The following KIF1B variants were observed in gnomAD, a reference collection of about 807,000 sequenced individuals.
KIF1B encodes the protein kinesin-like protein KIF1B.
A neutral mutation model predicts 241.9 loss-of-function variants in KIF1B; 76 were observed. The observed-to-expected ratio is 0.31, with a 90% CI of 0.26 to 0.38. The LOEUF (loss-of-function observed/expected upper bound fraction) is 0.38. KIF1B is among the 10% of genes least tolerant of loss of function. The pLI is 1.00. For missense variants in KIF1B, 1,622 were observed against 2,271.4 expected, an observed-to-expected ratio of 0.71 and a Z score of 5.81; for synonymous variants, 750 against 796.7, an observed-to-expected ratio of 0.94 and a Z score of 0.99.
At chr1:10,346,860 T>C (rs1030952298) in intron 35 of KIF1B, among the ~76,000 whole-genome samples, 16 of 152,232 alleles carry the variant, frequency 1.1e-4, no homozygotes, top group African/African-American at 2.7e-4. Flanking sequence ...TGAGGGGCTG[T>C]CCTGTGCATT....
intron 1 of KIF1B, among the ~76,000 whole-genome samples, chr1:10,220,204 CA>C (rs36083785): frequency 0.084 from 8,871 of 105,666 alleles, 262 homozygotes; most frequent in Middle Eastern, 0.15. Context: ...AACTCCGTCT[CA>C]AAAAAAAAAA....
intron 33 of KIF1B, 123 bp downstream of exon 33, chr1:10,342,291 G>C (rs1652426176): frequency 1.3e-6 from 1 of 750,384 alleles, no homozygotes; most frequent in African/African-American, 1.7e-5. Flanking sequence ...ATATTACCCT[G>C]TTTCCTCTTT....
chr1:10,345,747 T>G (rs1652564678), intron 34 of KIF1B, 98 bp from the exon 35 acceptor site: 2 of 865,666 alleles, frequency 2.3e-6, no homozygotes, highest in Non-Finnish European at 3.9e-6. Context: ...CTTGCTGCCT[T>G]TCCCAAGTAT....
intron 22 of KIF1B, among the ~76,000 whole-genome samples, chr1:10,311,714 CT>C (rs2102282593): frequency 6.6e-6 from 1 of 151,424 alleles, no homozygotes; most frequent in Non-Finnish European, 1.5e-5. Context: ...TCATGGGACA[CT>C]TTCTTCTCTT....
At chr1:10,245,688 G>A (rs1046583429) in intron 2 of KIF1B, among the ~76,000 whole-genome samples, 4 of 152,202 alleles carry the variant, frequency 2.6e-5, no homozygotes, top group African/African-American at 7.2e-5. Flanking sequence ...ATGGGATTTG[G>A]ATGGTAACCA....
At chr1:10,212,925 TATATATAC>T (rs1222931229) in intron 1 of KIF1B, among the ~76,000 whole-genome samples, 9,820 of 99,312 alleles carry the variant, frequency 0.099, 446 homozygotes, top group African/African-American at 0.18. Context: ...TATATATATA[TATATATAC>T]ACACACACAT....
At chr1:10,220,572 AG>A (rs1191200778) in intron 1 of KIF1B, among the ~76,000 whole-genome samples, 1 of 152,124 alleles carries the variant, frequency 6.6e-6, no homozygotes, top group Non-Finnish European at 1.5e-5. Flanking sequence ...CCTGAGGCTG[AG>A]GTACAGCCAA....
chr1:10,232,488 C>A, intron 2 of KIF1B, 54 bp downstream of exon 2: 2 of 1,298,816 alleles, frequency 1.5e-6, no homozygotes, highest in Non-Finnish European at 2.2e-6. Flanking sequence ...TTTCTTCTTT[C>A]CCTGTCGTCT....
chr1:10,370,838 G>A (rs1015230244), intron 44 of KIF1B, among the ~76,000 whole-genome samples: 2 of 151,842 alleles, frequency 1.3e-5, no homozygotes, highest in Admixed American at 1.3e-4. Context: ...GTACACGCTT[G>A]TAGTCCCAGG....
At chr1:10,338,421 G>C (rs780526316) in intron 31 of KIF1B, among the ~76,000 whole-genome samples, 1 of 152,212 alleles carries the variant, frequency 6.6e-6, no homozygotes, top group Non-Finnish European at 1.5e-5. Context: ...ACAAGTCATA[G>C]TTGTTGGAAT....
At position 10,379,755 on chromosome 1, in the gene KIF1B, T is replaced by G. The variant is rs553846600; in HGVS notation, c.*3168T>G. On this transcript the variant is annotated 3_prime_UTR_variant, in exon 49 of 49. Coordinates refer to ENST00000676179, the MANE Select transcript of KIF1B (RefSeq NM_001365951.3). Reference sequence around the variant, plus strand: ...TCCTTTCTCCCATCAAAGCAAAATATGGCCTCACCACCAGCCCCAAATCAG... The same window carrying G: ...TCCTTTCTCCCATCAAAGCAAAATAGGGCCTCACCACCAGCCCCAAATCAG... 4.3e-6 allele frequency: 1 copy of G among 230,690 alleles called. No individual in the cohort carries two copies. Among genetic ancestry groups the G allele is most frequent in the African/African-American group, 2.2e-5 (1 of 45,174 alleles). The allele number at this position is 230,690 out of a possible 1,614,324, so 14.3% of individuals were successfully genotyped here.
intron 22 of KIF1B, chr1:10,304,616 ATC>A: frequency 6.2e-7 from 1 of 1,614,026 alleles, no homozygotes; most frequent in Non-Finnish European, 8.5e-7. Context: ...TCAGCACCCA[ATC>A]TCAAAGCTGG....
At position 10,303,449 on chromosome 1, in the gene KIF1B, G is replaced by T; in HGVS notation, c.2115+6203G>T. 1 of 1,614,210 alleles carries T rather than the reference G, an allele frequency of 6.2e-7. No homozygotes were observed. The highest frequency in any genetic ancestry group is 8.5e-7 in the Non-Finnish European group (1 of 1,180,038). On this transcript the variant is annotated intron_variant, in intron 22 of 48. Coordinates refer to ENST00000676179, the MANE Select transcript of KIF1B (RefSeq NM_001365951.3). This position sits in a 1 kb window ranked among gnomAD's most constrained non-coding sequence, Gnocchi z 5.2. ...GTTGCTCTCAATGACTTCAGGCACA[G>T]TCGGCAGGAGATTGAAGCCCTGGCC...
intron 27 of KIF1B, among the ~76,000 whole-genome samples, chr1:10,330,897 G>A (rs1290455281): frequency 2.0e-5 from 3 of 152,140 alleles, no homozygotes; most frequent in Non-Finnish European, 4.4e-5. Context: ...GTGTGTTGTC[G>A]GAGATCACAT....
chr1:10,258,109 A>G (rs1408615118), intron 3 of KIF1B, among the ~76,000 whole-genome samples: 1 of 152,216 alleles, frequency 6.6e-6, no homozygotes, highest in Non-Finnish European at 1.5e-5. Context: ...AGTGAGTTCA[A>G]AGAAGTATTT....
Position 10,342,294 on chromosome 1 carries a change from T to G in KIF1B, c.3632+126T>G, listed in dbSNP as rs1652426253. 1.7e-5 allele frequency: 13 copies of G among 744,900 alleles called. No homozygotes were observed. In the South Asian group the frequency reaches 1.9e-4, roughly 11 times the overall value. 46.1% of individuals were successfully genotyped at this position (744,900 alleles called of 1,614,324 possible). A position where few individuals can be genotyped will look rare whatever the true frequency, so the allele number is the denominator to read the frequency against. Reference sequence around the variant, plus strand: ...AATAAGTATTCTATATTACCCTGTTTCCTCTTTAGAAACTTCACTATCATC... The same window carrying G: ...AATAAGTATTCTATATTACCCTGTTGCCTCTTTAGAAACTTCACTATCATC... On this transcript the variant is annotated intron_variant, in intron 33 of 48. Transcript: ENST00000676179.
intron 7 of KIF1B, among the ~76,000 whole-genome samples, chr1:10,270,461 C>T (rs1344211892): frequency 6.6e-6 from 1 of 152,096 alleles, no homozygotes; most frequent in Admixed American, 6.6e-5. Context: ...ACAGATACAC[C>T]ACAGTTTATT....
At chr1:10,271,835 ATAGT>A (rs991861846) in intron 8 of KIF1B, among the ~76,000 whole-genome samples, 10 of 152,218 alleles carry the variant, frequency 6.6e-5, no homozygotes, top group Non-Finnish European at 1.0e-4. Flanking sequence ...ATCTAACTAA[ATAGT>A]TAGGGAGCAC....
At chr1:10,246,528 G>A (rs1190290976) in intron 2 of KIF1B, among the ~76,000 whole-genome samples, 2 of 152,120 alleles carry the variant, frequency 1.3e-5, no homozygotes, top group African/African-American at 4.8e-5. Context: ...GGCGGATCAC[G>A]AGGTCAAGAG....
Sources: gnomAD v4.1 joint callset for allele counts (sites outside exome capture counted in the v4.1 genomes callset) on GRCh38, gnomAD v4.1.1 for gene constraint, Gnocchi (gnomAD v3.1) non-coding constraint, MANE v1.5 for transcripts, NCBI Gene and HGNC (gene_info 2026-07-23, HGNC 2026-07-21) for gene names.